Variants in STAU1 observed in about 807,000 individuals in gnomAD.
The protein encoded by STAU1 is staufen double-stranded RNA binding protein 1.
STAU1 carries 13 observed loss-of-function variants against 62.9 expected under a neutral mutation model. The ratio of observed to expected loss-of-function variants is 0.21; its 90% confidence interval spans 0.13 to 0.33. The LOEUF (loss-of-function observed/expected upper bound fraction) is 0.33, where lower values mean the gene tolerates loss of function less well. STAU1 is among the 10% of genes least tolerant of loss of function. The pLI is 1.00. For synonymous variants in STAU1, 269 were observed against 265.1 expected (o/e 1.01, Z -0.14); for missense variants, 571 against 712.1 (o/e 0.80, Z 2.25).
chr20:49,196,983 G>C, the STAU1 span, among the ~76,000 whole-genome samples: 1 of 151,690 alleles, frequency 6.6e-6, no homozygotes, highest in Admixed American at 6.6e-5. Flanking sequence ...ATGGTGAAAC[G>C]TCTCTACTAA....
chr20:49,201,071 A>AAAG, the STAU1 span, among the ~76,000 whole-genome samples: 214 of 104,540 alleles, frequency 2.0e-3, 3 homozygotes, highest in African/African-American at 5.4e-3. Context: ...AAAAAAAAAA[A>AAAG]AAGAAGAAGA....
intron 1 of STAU1, among the ~76,000 whole-genome samples, chr20:49,175,819 C>T (rs1270397981): frequency 8.5e-5 from 2 of 23,532 alleles, no homozygotes; most frequent in Non-Finnish European, 2.1e-4. Context: ...TTTTTTGAGA[C>T]GGAGTCTCGC....
rs117689410 is a variant in STAU1, at chr20:49,136,582, T to C, written c.511-651A>G. On this transcript the variant is annotated intron_variant, in intron 5 of 13. Coordinates refer to ENST00000371856, the MANE Select transcript of STAU1 (RefSeq NM_017453.4). Reference sequence around the variant, plus strand: ...ACTTCCAAAAGTCCTTCTCAAGTAGTGGGAAGCCACATTTTGGAAAAGTCA... The same window carrying C: ...ACTTCCAAAAGTCCTTCTCAAGTAGCGGGAAGCCACATTTTGGAAAAGTCA... Among the ~76,000 whole-genome samples the C allele has an allele frequency of 1.2e-4, 18 of 152,322 alleles. No homozygotes were observed. In the East Asian group the frequency reaches 3.5e-3, roughly 29 times the overall value.
chr20:49,214,167 A>G, the STAU1 span, among the ~76,000 whole-genome samples: 2 of 152,110 alleles, frequency 1.3e-5, no homozygotes, highest in African/African-American at 4.8e-5. Context: ...AGCTGAGATC[A>G]TGCCACTGCA....
intron 6 of STAU1, among the ~76,000 whole-genome samples, chr20:49,131,108 A>G (rs942104486): frequency 2.0e-5 from 3 of 152,276 alleles, no homozygotes; most frequent in Middle Eastern, 3.4e-3. Context: ...ACCAGACCTA[A>G]TCATAAGTAA....
At chr20:49,183,167 G>A (rs2093747107) in intron 1 of STAU1, among the ~76,000 whole-genome samples, 1 of 152,130 alleles carries the variant, frequency 6.6e-6, no homozygotes, top group African/African-American at 2.4e-5. Flanking sequence ...ATCACCAGAA[G>A]TCAATGTAAA....
intron 12 of STAU1, among the ~76,000 whole-genome samples, chr20:49,116,680 T>C (rs6019642): frequency 2.0e-5 from 3 of 152,314 alleles, no homozygotes; most frequent in African/African-American, 7.2e-5. Flanking sequence ...ATCAAGTGAA[T>C]ACATCACAGT....
chr20:49,150,002 T>C (rs1175303433), intron 5 of STAU1, among the ~76,000 whole-genome samples: 1 of 152,206 alleles, frequency 6.6e-6, no homozygotes, highest in Non-Finnish European at 1.5e-5. Flanking sequence ...CCCAGAGATA[T>C]TTTCAGGTGG....
At chr20:49,128,837 C>T (rs892928646) in intron 6 of STAU1, among the ~76,000 whole-genome samples, 4 of 148,452 alleles carry the variant, frequency 2.7e-5, no homozygotes, top group Non-Finnish European at 5.9e-5. Flanking sequence ...AAAACTAACT[C>T]GAAATGAATT....
chr20:49,119,842 T>C, intron 9 of STAU1, 140 bp downstream of exon 9: 1 of 1,048,958 alleles, frequency 9.5e-7, no homozygotes, highest in Non-Finnish European at 1.3e-6. Flanking sequence ...ATGGTCCAAA[T>C]GGATGAGACA....
At chr20:49,204,116 G>A in the STAU1 span, among the ~76,000 whole-genome samples, 10 of 151,522 alleles carry the variant, frequency 6.6e-5, no homozygotes, top group African/African-American at 2.2e-4. Flanking sequence ...ATATTGTTTT[G>A]TGTATTTACT....
the STAU1 span, among the ~76,000 whole-genome samples, chr20:49,200,118 A>G: frequency 6.6e-6 from 1 of 152,244 alleles, no homozygotes; most frequent in Non-Finnish European, 1.5e-5. Flanking sequence ...ACAACCCAGC[A>G]GTCCCAGTCC....
chr20:49,116,071 T>C (rs996362058), intron 12 of STAU1, among the ~76,000 whole-genome samples: 2 of 152,244 alleles, frequency 1.3e-5, no homozygotes, highest in African/African-American at 4.8e-5. Flanking sequence ...AATCATAACC[T>C]CTGAAAATGT....
At chr20:49,186,176 T>C (rs887158752) in intron 1 of STAU1, among the ~76,000 whole-genome samples, 1 of 151,872 alleles carries the variant, frequency 6.6e-6, no homozygotes, top group Non-Finnish European at 1.5e-5. Context: ...CAAAACCCCG[T>C]CTCTACGAAA....
At chr20:49,152,256 G>C (rs2093264844) in intron 4 of STAU1, among the ~76,000 whole-genome samples, 2 of 150,580 alleles carry the variant, frequency 1.3e-5, no homozygotes, top group African/African-American at 2.4e-5. Flanking sequence ...CCATTTCATA[G>C]CTTATATTTT....
At chr20:49,115,118 A>G (rs962280935) in intron 13 of STAU1, among the ~76,000 whole-genome samples, 1 of 151,934 alleles carries the variant, frequency 6.6e-6, no homozygotes, top group African/African-American at 2.4e-5. Context: ...GAAGAAATAT[A>G]TGTCTATATT....
intron 6 of STAU1, among the ~76,000 whole-genome samples, chr20:49,127,302 T>C (rs348296): frequency 0.86 from 129,983 of 151,942 alleles, 56,078 homozygotes; most frequent in African/African-American, 0.94. Flanking sequence ...TGCAGTGAGC[T>C]GAGATGGCAC....
chr20:49,168,951 C>T (rs1223705247), intron 2 of STAU1, among the ~76,000 whole-genome samples: 1 of 151,352 alleles, frequency 6.6e-6, no homozygotes, highest in Non-Finnish European at 1.5e-5. Context: ...AAAATAGATG[C>T]TAATTTTTTT....
chr20:49,125,628 C>T lies in STAU1; in HGVS notation c.610-1041G>A, dbSNP rs543323923. Among the ~76,000 whole-genome samples, 7 of 151,126 alleles carry T rather than the reference C, an allele frequency of 4.6e-5. No homozygotes were observed. In the South Asian group the frequency reaches 1.3e-3, roughly 27 times the overall value. On this transcript the variant is annotated intron_variant, in intron 6 of 13. Transcript: ENST00000371856. The stretch of plus-strand genomic sequence containing the variant: ...TTGGGAGGCCGAGGCAGGTGGATCA[C>T]GAGGTCAGGAGATCGAGACCATCCT...
Sources: gnomAD v4.1 joint callset for allele counts (sites outside exome capture counted in the v4.1 genomes callset) on GRCh38, gnomAD v4.1.1 for gene constraint, MANE v1.5 for transcripts, NCBI Gene and HGNC (gene_info 2026-07-23, HGNC 2026-07-21) for gene names.